The following JARID2 variants were observed in gnomAD, a reference collection of about 807,000 sequenced individuals.
The protein encoded by JARID2 is protein Jumonji.
In JARID2, 21 loss-of-function variants were observed where a neutral mutation model predicts 125.6. The observed-to-expected ratio is 0.17, with a 90% CI of 0.12 to 0.24. JARID2 has a LOEUF of 0.24. JARID2 is among the 10% of genes least tolerant of loss of function. The pLI, the probability that JARID2 is intolerant of heterozygous loss-of-function variation, is 1.00. For synonymous variants in JARID2, 736 were observed against 661.6 expected (o/e 1.11, Z -1.73); for missense variants, 1,303 against 1,639.6 (o/e 0.79, Z 3.55).
chr6:15,278,223 C>A (rs1467295390), intron 1 of JARID2, among the ~76,000 whole-genome samples: 3 of 151,838 alleles, frequency 2.0e-5, no homozygotes, highest in Non-Finnish European at 4.4e-5. Flanking sequence ...CAGAGTGAGA[C>A]CCTGTCTCAA....
intron 1 of JARID2, among the ~76,000 whole-genome samples, chr6:15,363,596 G>A (rs145374513): frequency 3.3e-5 from 5 of 152,288 alleles, no homozygotes; most frequent in Non-Finnish European, 5.9e-5. Context: ...CATAAAAGGC[G>A]AGTAAGACAC....
intron 1 of JARID2, among the ~76,000 whole-genome samples, chr6:15,317,890 C>T (rs775003126): frequency 2.0e-5 from 3 of 152,128 alleles, no homozygotes; most frequent in Non-Finnish European, 4.4e-5. Flanking sequence ...TGTATTTAGG[C>T]GTCCCCTCTT....
Position 15,331,587 on chromosome 6 carries a change from C to T in JARID2, c.46-42530C>T, listed in dbSNP as rs147868378. Among the ~76,000 whole-genome samples, 22 of 151,424 alleles carry T rather than the reference C, an allele frequency of 1.5e-4. No individual in the cohort carries two copies. The East Asian group carries it at 2.6e-3, about 18-fold the overall frequency. On this transcript the variant is annotated intron_variant, in intron 1 of 17. Transcript: ENST00000341776. ...TTCCATTAATAGTACGGTGGGGGGC[C>T]GGGTGCAGTGGCTCACGTCTGTAAT...
At chr6:15,336,826 G>T (rs1164649269) in intron 1 of JARID2, among the ~76,000 whole-genome samples, 1 of 152,000 alleles carries the variant, frequency 6.6e-6, no homozygotes, top group African/African-American at 2.4e-5. Context: ...GGGATTACCT[G>T]TGCGAGCCAC....
intron 1 of JARID2, among the ~76,000 whole-genome samples, chr6:15,310,336 A>G (rs998335117): frequency 1.3e-5 from 2 of 152,226 alleles, no homozygotes; most frequent in Non-Finnish European, 1.5e-5. Context: ...AAGAAAATCA[A>G]TATTCTTTAC....
chr6:15,280,659 C>T (rs1304783374), intron 1 of JARID2, among the ~76,000 whole-genome samples: 5 of 147,418 alleles, frequency 3.4e-5, no homozygotes, highest in East Asian at 3.9e-4. Context: ...GATGGAGTCT[C>T]GCTCTGTTGC....
At chr6:15,418,506 T>G (rs1396403847) in intron 3 of JARID2, among the ~76,000 whole-genome samples, 1 of 152,226 alleles carries the variant, frequency 6.6e-6, no homozygotes, top group Non-Finnish European at 1.5e-5. Context: ...TGAGCCACTG[T>G]GCCCGGTCAA....
intron 2 of JARID2, among the ~76,000 whole-genome samples, chr6:15,406,329 G>A (rs1308427810): frequency 1.3e-5 from 2 of 152,180 alleles, no homozygotes; most frequent in Non-Finnish European, 2.9e-5. Context: ...AGCTACTCAG[G>A]AGGCTGAGGC....
intron 1 of JARID2, among the ~76,000 whole-genome samples, chr6:15,301,285 T>A (rs541528519): frequency 6.6e-6 from 1 of 152,202 alleles, no homozygotes; most frequent in South Asian, 2.1e-4. Flanking sequence ...GTGCCGAGAG[T>A]ATTAGCAGAC....
chr6:15,403,957 C>G (rs1209245264), intron 2 of JARID2, among the ~76,000 whole-genome samples: 1 of 152,124 alleles, frequency 6.6e-6, no homozygotes, highest in East Asian at 1.9e-4. Flanking sequence ...TGGGAAATCT[C>G]CATAGCTGAT....
At chr6:15,413,692 T>G (rs191876910) in intron 3 of JARID2, among the ~76,000 whole-genome samples, 7 of 152,326 alleles carry the variant, frequency 4.6e-5, no homozygotes, top group Non-Finnish European at 8.8e-5. Flanking sequence ...CTGTGTTCTC[T>G]AAAGCCTGGG....
intron 3 of JARID2, among the ~76,000 whole-genome samples, chr6:15,412,313 G>A (rs553322025): frequency 2.0e-5 from 3 of 151,856 alleles, no homozygotes; most frequent in African/African-American, 7.2e-5. Context: ...TTCTTTTTTT[G>A]GGGGGGTTGA....
At chr6:15,443,087 TAAAAAA>T (rs60513458) in intron 3 of JARID2, among the ~76,000 whole-genome samples, 3,614 of 145,166 alleles carry the variant, frequency 0.025, 145 homozygotes, top group African/African-American at 0.085. Context: ...TCCCTGGAAT[TAAAAAA>T]AAAAAAGATT....
At chr6:15,469,983 C>T (rs1246631152) in intron 5 of JARID2, among the ~76,000 whole-genome samples, 1 of 151,940 alleles carries the variant, frequency 6.6e-6, no homozygotes, top group Non-Finnish European at 1.5e-5. Flanking sequence ...TCAAGACCAT[C>T]CTGGCCAACA....
chr6:15,352,890 T>C (rs1283545500), intron 1 of JARID2, among the ~76,000 whole-genome samples: 1 of 152,246 alleles, frequency 6.6e-6, no homozygotes, highest in African/African-American at 2.4e-5. Context: ...ATACATCTTT[T>C]GCTTTTATTG....
chr6:15,428,861 G>T (rs1377189450), intron 3 of JARID2, among the ~76,000 whole-genome samples: 1 of 144,926 alleles, frequency 6.9e-6, no homozygotes, highest in Non-Finnish European at 1.5e-5. Flanking sequence ...AGTTGAGATA[G>T]CACCACTGCA....
intron 3 of JARID2, among the ~76,000 whole-genome samples, chr6:15,447,054 G>A (rs1419180842): frequency 6.6e-6 from 1 of 152,150 alleles, no homozygotes; most frequent in Non-Finnish European, 1.5e-5. Flanking sequence ...TCCCCAAACA[G>A]CAGCTCGTAT....
chr6:15,497,194 GGGT>G (rs1240996935), intron 7 of JARID2, 24 bp downstream of exon 7: 2 of 1,504,162 alleles, frequency 1.3e-6, no homozygotes, highest in Non-Finnish European at 1.8e-6. Context: ...GGGGGTCAGG[GGGT>G]GGTGCCTGCC....
chr6:15,491,518 G>T (rs968564315), intron 6 of JARID2, among the ~76,000 whole-genome samples: 1 of 152,146 alleles, frequency 6.6e-6, no homozygotes, highest in Non-Finnish European at 1.5e-5. Context: ...TCTCTCTCTG[G>T]GCCTCTGGTT....
Sources: gnomAD v4.1 joint callset for allele counts (sites outside exome capture counted in the v4.1 genomes callset) on GRCh38, gnomAD v4.1.1 for gene constraint, MANE v1.5 for transcripts, NCBI Gene and HGNC (gene_info 2026-07-23, HGNC 2026-07-21) for gene names.